PCCA: variants seen among roughly 807,000 people sequenced by gnomAD.
PCCA encodes the protein propionyl-CoA carboxylase alpha chain, mitochondrial.
A neutral mutation model predicts 101.3 loss-of-function variants in PCCA; 74 were observed. The ratio of observed to expected loss-of-function variants is 0.73; its 90% CI spans 0.61 to 0.89. The LOEUF is 0.89. Ranked by LOEUF, PCCA falls within the 40% of genes least tolerant of loss-of-function variation. The pLI, the probability that PCCA is intolerant of heterozygous loss-of-function variation, is 0.00. For synonymous variants in PCCA, 294 were observed against 313.6 expected (o/e 0.94, Z 0.66); for missense variants, 891 against 907.0 (o/e 0.98, Z 0.23).
chr13:100,095,737 A>G (rs1447741853), intron 1 of PCCA, among the ~76,000 whole-genome samples: 1 of 152,074 alleles, frequency 6.6e-6, no homozygotes, highest in East Asian at 1.9e-4. Context: ...GAACTGAATG[A>G]GGGGGTGATC....
chr13:100,389,415 A>T (rs562204655), intron 19 of PCCA, among the ~76,000 whole-genome samples: 1 of 152,326 alleles, frequency 6.6e-6, no homozygotes, highest in African/African-American at 2.4e-5. Context: ...CCGCATGTTC[A>T]CATTTATAAG....
chr13:100,100,796 T>G (rs929559253), intron 1 of PCCA, among the ~76,000 whole-genome samples: 13 of 152,066 alleles, frequency 8.5e-5, no homozygotes, highest in African/African-American at 3.1e-4. Flanking sequence ...TCTTTTTTTT[T>G]TTTTTGTTGA....
At chr13:100,120,946 T>G (rs1179439594) in intron 4 of PCCA, among the ~76,000 whole-genome samples, 1 of 152,184 alleles carries the variant, frequency 6.6e-6, no homozygotes, top group Non-Finnish European at 1.5e-5. Context: ...ACATGTGATA[T>G]TCTTCCATAT....
At chr13:100,092,873 G>T (rs2046406901) in intron 1 of PCCA, among the ~76,000 whole-genome samples, 1 of 152,142 alleles carries the variant, frequency 6.6e-6, no homozygotes, top group Admixed American at 6.5e-5. Flanking sequence ...TTTGGGAAAA[G>T]AAATTTCTGA....
chr13:100,134,844 G>A (rs975899008), intron 4 of PCCA, among the ~76,000 whole-genome samples: 2 of 151,786 alleles, frequency 1.3e-5, no homozygotes, highest in African/African-American at 4.8e-5. Flanking sequence ...AGCCTGTTTA[G>A]GTCTGCTTTG....
At chr13:100,241,593 C>T (rs1169898659) in intron 8 of PCCA, among the ~76,000 whole-genome samples, 1 of 152,122 alleles carries the variant, frequency 6.6e-6, no homozygotes, top group African/African-American at 2.4e-5. Context: ...GCCTTACCCT[C>T]CTGAGTAGCT....
chr13:100,485,178 C>T (rs2084276032), intron 21 of PCCA, among the ~76,000 whole-genome samples: 1 of 152,150 alleles, frequency 6.6e-6, no homozygotes, highest in South Asian at 2.1e-4. Flanking sequence ...AAAAGCTGTT[C>T]CCACCCCATT....
intron 18 of PCCA, among the ~76,000 whole-genome samples, chr13:100,352,291 A>T (rs1376130012): frequency 6.6e-6 from 1 of 152,210 alleles, no homozygotes; most frequent in Non-Finnish European, 1.5e-5. Flanking sequence ...TTAAAGGCAT[A>T]AATAGGTCAA....
intron 6 of PCCA, among the ~76,000 whole-genome samples, chr13:100,196,703 A>T (rs955543246): frequency 2.6e-5 from 4 of 152,254 alleles, no homozygotes; most frequent in Non-Finnish European, 4.4e-5. Flanking sequence ...GTATGTCATT[A>T]GATTTTAATT....
In PCCA at chr13:100,200,813, A is replaced by T. The variant is rs74113808; in HGVS notation, c.469-8519A>T. Among the ~76,000 whole-genome samples, 1,179 of 151,998 alleles carry T rather than the reference A, an allele frequency of 7.8e-3. 16 individuals are homozygous for T. The highest frequency in any genetic ancestry group is 0.027 in the African/African-American group (1,125 of 41,506). ...TTTCTCATATATAATGTATATAACA[A>T]TATAGAAGTATAATTAAATAAAGTC... On this transcript the variant is annotated intron_variant, in intron 6 of 23. Coordinates refer to ENST00000376285, the MANE Select transcript of PCCA (RefSeq NM_000282.4).
chr13:100,141,706 C>T (rs2051895636), intron 4 of PCCA, among the ~76,000 whole-genome samples: 1 of 152,206 alleles, frequency 6.6e-6, no homozygotes, highest in African/African-American at 2.4e-5. Flanking sequence ...AACCACCACA[C>T]CCAGCCTTTA....
At chr13:100,412,788 C>G (rs2078134933) in intron 19 of PCCA, among the ~76,000 whole-genome samples, 1 of 152,028 alleles carries the variant, frequency 6.6e-6, no homozygotes, top group Non-Finnish European at 1.5e-5. Context: ...GTTTCTATAT[C>G]TCACCTTTAC....
At chr13:100,197,588 A>G (rs1213734857) in intron 6 of PCCA, among the ~76,000 whole-genome samples, 1 of 152,022 alleles carries the variant, frequency 6.6e-6, no homozygotes, top group African/African-American at 2.4e-5. Flanking sequence ...GGATTACAGG[A>G]GCATGCCACC....
chr13:100,170,633 G>C (rs1361724420), intron 6 of PCCA, among the ~76,000 whole-genome samples: 5 of 152,188 alleles, frequency 3.3e-5, no homozygotes, highest in Non-Finnish European at 7.3e-5. Context: ...ATGTGTACAT[G>C]TTCCTAGCTT....
chr13:100,456,349 GA>G (rs1372010781), intron 21 of PCCA, among the ~76,000 whole-genome samples: 1 of 152,164 alleles, frequency 6.6e-6, no homozygotes, highest in African/African-American at 2.4e-5. Context: ...GTTAGGTGTG[GA>G]CTTTTATGAC....
intron 21 of PCCA, among the ~76,000 whole-genome samples, chr13:100,509,161 C>T (rs201347573): frequency 1.0e-5 from 1 of 100,142 alleles, no homozygotes; most frequent in African/African-American, 2.8e-5. Context: ...CTGAAAGATA[C>T]AGTGTTTCTC....
chr13:100,217,843 TA>T (rs1161294284), intron 7 of PCCA, among the ~76,000 whole-genome samples: 5 of 146,112 alleles, frequency 3.4e-5, no homozygotes, highest in African/African-American at 7.7e-5. Flanking sequence ...ATATACCACT[TA>T]AAAAAATCCA....
chr13:100,158,653 G>A (rs1299036854), intron 6 of PCCA, among the ~76,000 whole-genome samples: 1 of 152,090 alleles, frequency 6.6e-6, no homozygotes, highest in African/African-American at 2.4e-5. Context: ...ATGTGTATGT[G>A]TGTATATATA....
At chr13:100,288,209 A>T (rs2064841885) in intron 12 of PCCA, among the ~76,000 whole-genome samples, 1 of 152,182 alleles carries the variant, frequency 6.6e-6, no homozygotes. Flanking sequence ...CCCTCATGCC[A>T]CACCATTTCT....
Sources: allele counts gnomAD v4.1 joint callset (sites outside exome capture counted in the v4.1 genomes callset), GRCh38; gene constraint gnomAD v4.1.1; transcripts MANE v1.5; gene names NCBI Gene and HGNC (gene_info 2026-07-23, HGNC 2026-07-21).